Variants in ZFPM2 observed in about 807,000 individuals in gnomAD.
The protein encoded by ZFPM2 is zinc finger protein, FOG family member 2.
In ZFPM2, 20 loss-of-function variants were observed where a neutral mutation model predicts 98.6. That is an observed-to-expected ratio of 0.20 (90% CI 0.14 to 0.29). The LOEUF is 0.29. ZFPM2 is among the 10% of genes least tolerant of loss of function. The pLI, the probability that ZFPM2 is intolerant of heterozygous loss-of-function variation, is 1.00. For synonymous variants in ZFPM2, 518 were observed against 502.7 expected, an observed-to-expected ratio of 1.03 and a Z score of -0.41; for missense variants, 1,310 against 1,388.6, an observed-to-expected ratio of 0.94 and a Z score of 0.90.
At chr8:105,729,457 C>T (rs1193371924) in intron 5 of ZFPM2, among the ~76,000 whole-genome samples, 2 of 151,522 alleles carry the variant, frequency 1.3e-5, no homozygotes, top group African/African-American at 4.8e-5. Flanking sequence ...TGGCACAATG[C>T]ACCTGCCTAT....
chr8:105,620,166 T>C lies in ZFPM2; in HGVS notation c.421-14080T>C, dbSNP rs368236816. ...CCCACCAACAGTGTAAAAGTGTTCC[T>C]ATTTCTCCACATCCTCTCCAGCACC... On this transcript the variant is annotated intron_variant, in intron 4 of 7. Coordinates refer to ENST00000407775, the MANE Select transcript of ZFPM2 (RefSeq NM_012082.4). 9.2e-5 allele frequency among the ~76,000 whole-genome samples: 14 copies of C among 152,310 alleles called. No individual in the cohort carries two copies. In the East Asian group the frequency reaches 2.5e-3, roughly 27 times the overall value.
chr8:105,441,521 C>A, intron 2 of ZFPM2, among the ~76,000 whole-genome samples: 1 of 123,814 alleles, frequency 8.1e-6, no homozygotes, highest in Non-Finnish European at 1.8e-5. Flanking sequence ...AGGGGCGCCC[C>A]GGTGTTGGAG....
At chr8:105,441,504 A>AAAAAAGAAAGAAAGAAAG (rs1554605013) in intron 2 of ZFPM2, among the ~76,000 whole-genome samples, 1 of 139,824 alleles carries the variant, frequency 7.2e-6, no homozygotes, top group Non-Finnish European at 1.5e-5. Context: ...GAAAGAAATC[A>AAAAAAGAAAGAAAGAAAG]AAGCCCAGGG....
rs539706009 is a variant in ZFPM2 at position 105,738,541 on chromosome 8, A to G, written c.533-50177A>G. ...TATTCTTTTGGGTATATACCCAGTA[A>G]TGGGATTGCTGAGTCAAATGATATT... On this transcript the variant is annotated intron_variant, in intron 5 of 7. Transcript: ENST00000407775. Among the ~76,000 whole-genome samples, 3 of 152,230 alleles carry G rather than the reference A, an allele frequency of 2.0e-5. No homozygotes were observed. The East Asian group carries it at 5.8e-4, about 30-fold the overall frequency.
intron 5 of ZFPM2, among the ~76,000 whole-genome samples, chr8:105,672,236 T>C (rs4734886): frequency 0.18 from 27,222 of 151,866 alleles, 2,425 homozygotes; most frequent in Middle Eastern, 0.23. Context: ...GTTTATTCTA[T>C]TAGGTAAGAG....
At chr8:105,779,627 C>T (rs759952192) in intron 5 of ZFPM2, among the ~76,000 whole-genome samples, 1 of 152,160 alleles carries the variant, frequency 6.6e-6, no homozygotes, top group Non-Finnish European at 1.5e-5. Context: ...TGTAACCTAG[C>T]AACAGATAAT....
chr8:105,802,508 T>C lies in ZFPM2; in HGVS notation c.2426T>C (p.Val809Ala), dbSNP rs1484305521. 7 of 1,612,236 alleles carry C rather than the reference T, an allele frequency of 4.3e-6. No homozygotes were observed. Among genetic ancestry groups the C allele is most frequent in the Non-Finnish European group, 5.1e-6 (6 of 1,179,090 alleles). The change falls in exon 8 of 8, where the codon GTT becomes GCT. Residue 809 changes from valine to alanine, a missense_variant. Coordinates refer to ENST00000407775, the MANE Select transcript of ZFPM2 (RefSeq NM_012082.4). ...ACTTCTCTGACGATCAACAAGTGTG[T>C]TCCAGTTTCCAAATGTGATACTACT... ...LETSLTINKC[V>A]PVSKCDTTHS...
intron 2 of ZFPM2, among the ~76,000 whole-genome samples, chr8:105,442,449 G>A (rs1443263398): frequency 2.6e-5 from 4 of 152,142 alleles, no homozygotes; most frequent in African/African-American, 4.8e-5. Flanking sequence ...TTTCAAAAAC[G>A]GACTGTCTTT....
intron 5 of ZFPM2, among the ~76,000 whole-genome samples, chr8:105,726,885 C>T (rs1811820805): frequency 6.6e-6 from 1 of 151,566 alleles, no homozygotes; most frequent in Admixed American, 6.6e-5. Context: ...TATGAATAAA[C>T]ACTAGGGTTG....
chr8:105,715,052 A>G (rs536534440), intron 5 of ZFPM2, among the ~76,000 whole-genome samples: 35 of 152,184 alleles, frequency 2.3e-4, no homozygotes, highest in African/African-American at 7.5e-4. Flanking sequence ...ACCAACATTC[A>G]TGTTGTAACT....
rs72606696 is a variant in ZFPM2 at position 105,735,034 on chromosome 8, T to G, written c.533-53684T>G. ...TTGATTGGTGTGAAAGTTATTGCAG[T>G]TTTGCATTCCTTTTAATGGCAAAAA... On this transcript the variant is annotated intron_variant, in intron 5 of 7. Coordinates refer to ENST00000407775, the MANE Select transcript of ZFPM2 (RefSeq NM_012082.4). 1.8e-3 allele frequency among the ~76,000 whole-genome samples: 263 copies of G among 149,226 alleles called. 1 individual carries two copies. In the East Asian group the frequency reaches 0.044, roughly 25 times the overall value.
chr8:105,727,585 A>G (rs1811842392), intron 5 of ZFPM2, among the ~76,000 whole-genome samples: 1 of 151,676 alleles, frequency 6.6e-6, no homozygotes, highest in South Asian at 2.1e-4. Context: ...TAACAAGTCA[A>G]CCTCCAACCA....
intron 1 of ZFPM2, among the ~76,000 whole-genome samples, chr8:105,362,654 G>C (rs1810427209): frequency 6.6e-6 from 1 of 152,168 alleles, no homozygotes; most frequent in Non-Finnish European, 1.5e-5. Flanking sequence ...ATAAAACACA[G>C]TTCCTTTTCT....
At chr8:105,566,281 C>T (rs1402448183) in intron 4 of ZFPM2, among the ~76,000 whole-genome samples, 1 of 151,914 alleles carries the variant, frequency 6.6e-6, no homozygotes, top group African/African-American at 2.4e-5. Flanking sequence ...AAATTGATAC[C>T]AGTGAGGGAG....
intron 3 of ZFPM2, among the ~76,000 whole-genome samples, chr8:105,461,124 T>A (rs1222402348): frequency 6.6e-6 from 1 of 152,118 alleles, no homozygotes; most frequent in African/African-American, 2.4e-5. Flanking sequence ...TAGGAACTCA[T>A]ATAGCTTAAG....
intron 3 of ZFPM2, among the ~76,000 whole-genome samples, chr8:105,515,975 T>C (rs1447710685): frequency 7.9e-5 from 11 of 138,614 alleles, no homozygotes; most frequent in Non-Finnish European, 1.5e-5. Flanking sequence ...TGCAGTGCAG[T>C]GGCGTGATCT....
intron 3 of ZFPM2, among the ~76,000 whole-genome samples, chr8:105,537,360 G>T: frequency 6.6e-6 from 1 of 152,124 alleles, no homozygotes; most frequent in African/African-American, 2.4e-5. Context: ...GAAAATAAAA[G>T]TTAAGACAGC....
intron 3 of ZFPM2, among the ~76,000 whole-genome samples, chr8:105,482,380 T>TA (rs1813137678): frequency 6.6e-6 from 1 of 152,150 alleles, no homozygotes. Context: ...GGCAGATTTT[T>TA]AAAAAATTAA....
chr8:105,785,994 A>G (rs552643950), intron 5 of ZFPM2, among the ~76,000 whole-genome samples: 64 of 133,318 alleles, frequency 4.8e-4, no homozygotes, highest in African/African-American at 1.7e-3. Flanking sequence ...GTGAGCGGAG[A>G]TGGCGCCACT....
Sources: gnomAD v4.1 joint callset for allele counts (sites outside exome capture counted in the v4.1 genomes callset) on GRCh38, gnomAD v4.1.1 for gene constraint, MANE v1.5 for transcripts, NCBI Gene and HGNC (gene_info 2026-07-23, HGNC 2026-07-21) for gene names.